The following CDK6 variants were observed in gnomAD, a reference collection of about 807,000 sequenced individuals.
The protein encoded by CDK6 is cyclin-dependent kinase 6.
CDK6 carries 6 observed loss-of-function variants against 37.1 expected under a neutral mutation model. That is an observed-to-expected ratio of 0.16 (90% CI 0.09 to 0.32). The LOEUF is 0.32. Among genes scored for constraint, CDK6 ranks in the 10% least tolerant of loss-of-function variants. The pLI, the probability that CDK6 is intolerant of heterozygous loss-of-function variation, is 1.00. For synonymous variants in CDK6, 160 were observed against 161.3 expected (o/e 0.99, Z 0.06); for missense variants, 224 against 418.9 (o/e 0.53, Z 4.06).
rs185731622 is a variant in CDK6, at chr7:92,704,296, T to C, written c.537+21330A>G. Reference sequence around the variant, plus strand: ...CTCAGTGACTGGCCAGCAGAAACTATAGCAAAACTTGAAGAAATTTTAAAT... The same window carrying C: ...CTCAGTGACTGGCCAGCAGAAACTACAGCAAAACTTGAAGAAATTTTAAAT... On this transcript the variant is annotated intron_variant, in intron 4 of 7. Coordinates refer to ENST00000424848, the MANE Select transcript of CDK6 (RefSeq NM_001145306.2). Among the ~76,000 whole-genome samples, 586 of 152,260 alleles carry C rather than the reference T, an allele frequency of 3.8e-3. 5 individuals are homozygous for C. The highest frequency in any genetic ancestry group is 5.2e-3 in the Non-Finnish European group (352 of 68,012).
intron 4 of CDK6, among the ~76,000 whole-genome samples, chr7:92,719,809 A>T (rs1420999811): frequency 1.3e-5 from 2 of 152,146 alleles, no homozygotes; most frequent in African/African-American, 4.8e-5. Flanking sequence ...TGGCTTTATG[A>T]TGGCTGTCCT....
At chr7:92,699,161 A>G (rs948411461) in intron 4 of CDK6, among the ~76,000 whole-genome samples, 1 of 152,218 alleles carries the variant, frequency 6.6e-6, no homozygotes, top group African/African-American at 2.4e-5. Flanking sequence ...AACTGGGCTG[A>G]TAAATTTTAA....
intron 4 of CDK6, among the ~76,000 whole-genome samples, chr7:92,697,200 A>G (rs143730148): frequency 2.6e-5 from 4 of 152,352 alleles, no homozygotes; most frequent in African/African-American, 9.6e-5. Flanking sequence ...GGCTTTCATT[A>G]CAGACCAAAC....
intron 3 of CDK6, among the ~76,000 whole-genome samples, chr7:92,734,687 G>A (rs1798741133): frequency 6.6e-6 from 1 of 152,194 alleles, no homozygotes; most frequent in African/African-American, 2.4e-5. Context: ...CCTTTTAGGA[G>A]GAATGCGATA....
Position 92,778,730 on chromosome 7 carries a change from G to T in CDK6, c.234-3899C>A, listed in dbSNP as rs1416918706. Among the ~76,000 whole-genome samples, 8 of 151,864 alleles carry T rather than the reference G, an allele frequency of 5.3e-5. No individual in the cohort carries two copies. In the East Asian group the frequency reaches 1.5e-3, roughly 29 times the overall value. ...ATAAAAGAGCAGTGAACCAAAAATG[G>T]CATGTCCCTAAAGTCAAATACAAAC... On this transcript the variant is annotated intron_variant, in intron 2 of 7. Coordinates refer to ENST00000424848, the MANE Select transcript of CDK6 (RefSeq NM_001145306.2).
chr7:92,720,866 T>C (rs1044611040), intron 4 of CDK6, among the ~76,000 whole-genome samples: 2 of 152,218 alleles, frequency 1.3e-5, no homozygotes, highest in African/African-American at 4.8e-5. Flanking sequence ...ACAGTCATTG[T>C]ACCGAACAGG....
chr7:92,650,861 A>C (rs1385710599), intron 5 of CDK6, among the ~76,000 whole-genome samples: 1 of 150,258 alleles, frequency 6.7e-6, no homozygotes, highest in East Asian at 1.9e-4. Context: ...TCTCTCTCAC[A>C]TCTCTTTTGC....
intron 3 of CDK6, among the ~76,000 whole-genome samples, chr7:92,742,392 A>G (rs1798943884): frequency 6.6e-6 from 1 of 152,200 alleles, no homozygotes; most frequent in Non-Finnish European, 1.5e-5. Context: ...TAAGGCTGTA[A>G]GCAGGCAACT....
Position 92,833,446 on chromosome 7 carries a change from C to T in CDK6, c.-123G>A. The T allele has an allele frequency of 1.5e-6, 1 of 675,050 alleles. No individual in the cohort carries two copies. The highest frequency in any genetic ancestry group is 2.4e-6 in the Non-Finnish European group (1 of 421,838). 41.8% of individuals were successfully genotyped at this position (675,050 alleles called of 1,614,324 possible). On this transcript the variant is annotated 5_prime_UTR_variant, in exon 2 of 8. Transcript: ENST00000424848. The surrounding 1 kb of genome is among the most constrained non-coding windows in gnomAD (Gnocchi z 6.1). ...AGATCGGTCTAGCTTTACTTGCTCCCCGCCGGCTCAGGCGCTCGGGCGCTG... is the reference window on the plus strand; with the variant it reads ...AGATCGGTCTAGCTTTACTTGCTCCTCGCCGGCTCAGGCGCTCGGGCGCTG...
rs536569412 is a variant in CDK6 at position 92,803,207 on chromosome 7, T to C, written c.234-28376A>G. ...ACTTATTAAGTACTTGCAATATGGT[T>C]AGCAGTATGTGAACCTTCAATAAGT... is the stretch of plus-strand genomic sequence containing the variant. On this transcript the variant is annotated intron_variant, in intron 2 of 7. Coordinates refer to ENST00000424848, the MANE Select transcript of CDK6 (RefSeq NM_001145306.2). Among the ~76,000 whole-genome samples, 18 of 152,322 alleles carry C rather than the reference T, an allele frequency of 1.2e-4. 1 individual carries two copies. In the South Asian group the frequency reaches 3.7e-3, roughly 32 times the overall value.
In CDK6 at chr7:92,605,433, A is replaced by G. The variant is rs1795404498; in HGVS notation, c.*9707T>C. 8.6e-6 allele frequency: 2 copies of G among 233,238 alleles called. No homozygotes were observed. Among genetic ancestry groups the G allele is most frequent in the East Asian group, 1.2e-4 (2 of 16,536 alleles). 14.4% of individuals were successfully genotyped at this position (233,238 alleles called of 1,614,324 possible). On this transcript the variant is annotated 3_prime_UTR_variant, in exon 8 of 8. Transcript: ENST00000424848. ...AACCCTGGGTCACAAAGCATCCCTT[A>G]CTTGAGCTACTTTTAAAACCAGATT... is the stretch of plus-strand genomic sequence containing the variant.
intron 6 of CDK6, among the ~76,000 whole-genome samples, chr7:92,620,474 C>T (rs1227222580): frequency 6.6e-6 from 1 of 152,108 alleles, no homozygotes; most frequent in East Asian, 1.9e-4. Flanking sequence ...CTCTCTATTC[C>T]AATATTTTAT....
chr7:92,655,531 T>A (rs1397182725), intron 5 of CDK6, among the ~76,000 whole-genome samples: 2 of 152,224 alleles, frequency 1.3e-5, no homozygotes, highest in Middle Eastern at 3.2e-3. Context: ...GCAATTGGCT[T>A]CCAAATTACT....
At chr7:92,829,089 G>A (rs1228327912) in intron 2 of CDK6, among the ~76,000 whole-genome samples, 1 of 152,146 alleles carries the variant, frequency 6.6e-6, no homozygotes, top group Non-Finnish European at 1.5e-5. Context: ...GCTTTACAGA[G>A]TCAAATATGT....
At chr7:92,644,347 G>A (rs1796391120) in intron 5 of CDK6, among the ~76,000 whole-genome samples, 1 of 152,162 alleles carries the variant, frequency 6.6e-6, no homozygotes, top group South Asian at 2.1e-4. Flanking sequence ...TTACAGCTAA[G>A]AAGGGAATAT....
In CDK6 at chr7:92,833,805, T is replaced by C. The variant is rs1801568613; in HGVS notation, c.-367-115A>G. 2.5e-6 allele frequency: 1 copy of C among 404,128 alleles called. No individual in the cohort carries two copies. Among genetic ancestry groups the C allele is most frequent in the Non-Finnish European group, 4.3e-6 (1 of 230,236 alleles). The allele number at this position is 404,128 out of a possible 1,614,324, so 25.0% of individuals were successfully genotyped here. On this transcript the variant is annotated intron_variant, in intron 1 of 7. Coordinates refer to ENST00000424848, the MANE Select transcript of CDK6 (RefSeq NM_001145306.2). This position sits in a 1 kb window ranked among gnomAD's most constrained non-coding sequence, Gnocchi z 6.1. ...CTTTACGAAGCCTCCATCGCTACCC[T>C]CCGCGCGCTCCTGCCCTCTCCCAAG...
At chr7:92,798,619 T>C (rs1800480687) in intron 2 of CDK6, among the ~76,000 whole-genome samples, 1 of 152,218 alleles carries the variant, frequency 6.6e-6, no homozygotes, top group Non-Finnish European at 1.5e-5. Context: ...TCCACTCTTA[T>C]TGATGAATGA....
chr7:92,780,648 C>T (rs2115812653), intron 2 of CDK6, among the ~76,000 whole-genome samples: 1 of 151,428 alleles, frequency 6.6e-6, no homozygotes, highest in Non-Finnish European at 1.5e-5. Flanking sequence ...GTAGTCCCAG[C>T]TACTTGGGAG....
intron 4 of CDK6, among the ~76,000 whole-genome samples, chr7:92,680,974 T>A (rs889658941): frequency 3.9e-5 from 6 of 152,174 alleles, no homozygotes; most frequent in Admixed American, 1.3e-4. Flanking sequence ...TTGGCCACAA[T>A]ACATTTACAG....
Sources: gnomAD v4.1 joint callset for allele counts (sites outside exome capture counted in the v4.1 genomes callset) on GRCh38, gnomAD v4.1.1 for gene constraint, Gnocchi (gnomAD v3.1) non-coding constraint, MANE v1.5 for transcripts, NCBI Gene and HGNC (gene_info 2026-07-23, HGNC 2026-07-21) for gene names.